CIMIP6: variants seen among roughly 807,000 people sequenced by gnomAD.
CIMIP6 encodes uncharacterized protein C2orf73.
the CIMIP6 span, among the ~76,000 whole-genome samples, chr2:54,340,478 A>G: frequency 6.6e-6 from 1 of 152,238 alleles, no homozygotes; most frequent in Non-Finnish European, 1.5e-5. Context: ...GCATGGGCAC[A>G]TAAGCACTTT....
the CIMIP6 span, chr2:54,360,165 G>C: frequency 6.7e-7 from 1 of 1,493,200 alleles, no homozygotes; most frequent in Non-Finnish European, 8.9e-7. Context: ...AGCAATCTGC[G>C]TTCTCCTGGT....
chr2:54,343,836 C>G, the CIMIP6 span: 16 of 1,609,786 alleles, frequency 9.9e-6, no homozygotes, highest in Admixed American at 1.7e-5. Flanking sequence ...TTTTGCCAGT[C>G]AAACACAGCA....
chr2:54,377,342 C>G, the CIMIP6 span, among the ~76,000 whole-genome samples: 7 of 152,074 alleles, frequency 4.6e-5, no homozygotes, highest in African/African-American at 1.2e-4. Context: ...TATAGTATTT[C>G]TACCTCAAGA....
At chr2:54,335,524 A>C in the CIMIP6 span, among the ~76,000 whole-genome samples, 6 of 152,322 alleles carry the variant, frequency 3.9e-5, 1 homozygote, top group African/African-American at 1.4e-4. Context: ...AACATATCTG[A>C]GATTAAGTAA....
chr2:54,334,862 T>C, the CIMIP6 span: 1 of 1,553,160 alleles, frequency 6.4e-7, no homozygotes, highest in South Asian at 1.2e-5. Context: ...TAAGTGAAAA[T>C]GAAGAAATTA....
At chr2:54,383,635 T>C in the CIMIP6 span, 4 of 152,288 alleles carry the variant, frequency 2.6e-5, no homozygotes, top group African/African-American at 9.6e-5. Context: ...TCATAGCATT[T>C]ATTGTTCTCT....
chr2:54,369,910 A>G, the CIMIP6 span, among the ~76,000 whole-genome samples: 4 of 152,204 alleles, frequency 2.6e-5, no homozygotes, highest in Non-Finnish European at 5.9e-5. Flanking sequence ...GTACAAAAAC[A>G]TAGAGTAATT....
the CIMIP6 span, among the ~76,000 whole-genome samples, chr2:54,374,434 A>G: frequency 6.6e-6 from 1 of 152,352 alleles, no homozygotes; most frequent in Non-Finnish European, 1.5e-5. Context: ...CATGGATGGC[A>G]TTTTAAAGTA....
the CIMIP6 span, among the ~76,000 whole-genome samples, chr2:54,378,515 T>C: frequency 6.6e-6 from 1 of 152,238 alleles, no homozygotes; most frequent in African/African-American, 2.4e-5. Context: ...AAATTTTGTT[T>C]TGAAAGATAT....
chr2:54,354,378 C>T, the CIMIP6 span, among the ~76,000 whole-genome samples: 1 of 152,068 alleles, frequency 6.6e-6, no homozygotes, highest in African/African-American at 2.4e-5. Context: ...AAATATCCAG[C>T]TAGAATTTTG....
At chr2:54,382,786 G>T in the CIMIP6 span, among the ~76,000 whole-genome samples, 1 of 152,336 alleles carries the variant, frequency 6.6e-6, no homozygotes, top group South Asian at 2.1e-4. Flanking sequence ...GCAGACAGAA[G>T]TGATATTCAT....
chr2:54,349,820 C>T, the CIMIP6 span, among the ~76,000 whole-genome samples: 1 of 152,000 alleles, frequency 6.6e-6, no homozygotes, highest in East Asian at 1.9e-4. Context: ...TCCTTTCTCC[C>T]CCCTTTATTT....
the CIMIP6 span, among the ~76,000 whole-genome samples, chr2:54,341,136 A>G: frequency 4.6e-5 from 7 of 151,886 alleles, no homozygotes; most frequent in Admixed American, 4.7e-4. Context: ...CTTATCACAG[A>G]AGAACTTTCT....
At chr2:54,344,124 A>G in the CIMIP6 span, among the ~76,000 whole-genome samples, 1 of 152,200 alleles carries the variant, frequency 6.6e-6, no homozygotes, top group African/African-American at 2.4e-5. Context: ...CAAAGTCAGA[A>G]ACTTAGTAGC....
At chr2:54,374,043 C>T in the CIMIP6 span, among the ~76,000 whole-genome samples, 55 of 152,306 alleles carry the variant, frequency 3.6e-4, no homozygotes, top group African/African-American at 1.3e-3. Context: ...GACAAATTCA[C>T]TTTCGTTATT....
At chr2:54,335,736 T>C in the CIMIP6 span, among the ~76,000 whole-genome samples, 2 of 152,224 alleles carry the variant, frequency 1.3e-5, no homozygotes, top group African/African-American at 4.8e-5. Flanking sequence ...GCAGCACATA[T>C]TTATTATCTA....
the CIMIP6 span, among the ~76,000 whole-genome samples, chr2:54,354,665 A>G: frequency 6.6e-6 from 1 of 151,774 alleles, no homozygotes; most frequent in Admixed American, 6.6e-5. Flanking sequence ...TTGATTTTTG[A>G]TTTTTATACA....
At chr2:54,374,202 T>C in the CIMIP6 span, among the ~76,000 whole-genome samples, 6 of 152,248 alleles carry the variant, frequency 3.9e-5, no homozygotes. Context: ...TTTTCCCATT[T>C]TATCTGAGCA....
the CIMIP6 span, chr2:54,360,535 A>C: frequency 1.5e-4 from 220 of 1,506,310 alleles, no homozygotes; most frequent in Non-Finnish European, 1.9e-4. Context: ...ACAAGCCTTT[A>C]AATCCACCAA....
Sources: gnomAD v4.1 joint callset for allele counts (sites outside exome capture counted in the v4.1 genomes callset) on GRCh38, gnomAD v4.1.1 for gene constraint, MANE v1.5 for transcripts, NCBI Gene and HGNC (gene_info 2026-07-23, HGNC 2026-07-21) for gene names.